Variants in TMEM156 observed in about 807,000 individuals in gnomAD.
TMEM156 encodes transmembrane protein 156.
In TMEM156, 28 loss-of-function variants were observed where a neutral mutation model predicts 30.5. The observed-to-expected ratio is 0.92, with a 90% CI of 0.68 to 1.26. TMEM156 has a LOEUF of 1.26. TMEM156 is among the 50% of genes most tolerant of loss of function. TMEM156 has a pLI of 0.00. For synonymous variants in TMEM156, 137 were observed against 119.9 expected (o/e 1.14, Z -0.93); for missense variants, 351 against 340.6 (o/e 1.03, Z -0.24).
At chr4:38,968,332 A>T (rs949176589) in intron 6 of TMEM156, among the ~76,000 whole-genome samples, 16 of 152,210 alleles carry the variant, frequency 1.1e-4, no homozygotes, top group African/African-American at 3.6e-4. Flanking sequence ...CTTATTGAAC[A>T]TCTAAACGCT....
Position 39,031,905 on chromosome 4 carries a change from A to AAAAAAC in TMEM156, c.88+320_88+321insGTTTTT, listed in dbSNP as rs60499521. 1.2e-4 allele frequency among the ~76,000 whole-genome samples: 15 copies of AAAAAAC among 129,252 alleles called. 1 individual carries two copies. The highest frequency in any genetic ancestry group is 2.4e-4 in the South Asian group (1 of 4,140). The allele number at this position is 129,252 out of a possible 152,430, so 84.8% of individuals were successfully genotyped here. On this transcript the variant is annotated intron_variant, in intron 1 of 6. Coordinates refer to ENST00000381938, the MANE Select transcript of TMEM156 (RefSeq NM_024943.3). ...AAAAAAAAAAATAAAAAATAAAAAA[A>AAAAAAC]TAAAAAAAAACTGCTTTGAAGAAAG...
At chr4:39,018,563 A>G (rs1278618119) in intron 1 of TMEM156, among the ~76,000 whole-genome samples, 1 of 152,172 alleles carries the variant, frequency 6.6e-6, no homozygotes, top group Non-Finnish European at 1.5e-5. Flanking sequence ...GTTTACCTGA[A>G]AATATACATC....
At chr4:38,997,774 T>A (rs1445248454) in intron 2 of TMEM156, among the ~76,000 whole-genome samples, 1 of 152,242 alleles carries the variant, frequency 6.6e-6, no homozygotes, top group Non-Finnish European at 1.5e-5. Context: ...TCTTTATTTA[T>A]TCAGTTGTTC....
At chr4:39,009,284 C>T (rs924112835) in intron 1 of TMEM156, among the ~76,000 whole-genome samples, 2 of 152,138 alleles carry the variant, frequency 1.3e-5, no homozygotes, top group African/African-American at 4.8e-5. Flanking sequence ...CAGCCCTGGA[C>T]CAAATTAATT....
At chr4:39,009,148 G>A (rs1713938866) in intron 1 of TMEM156, among the ~76,000 whole-genome samples, 1 of 151,904 alleles carries the variant, frequency 6.6e-6, no homozygotes, top group Non-Finnish European at 1.5e-5. Context: ...AAATCTAGAG[G>A]AAAATGGATA....
intron 1 of TMEM156, among the ~76,000 whole-genome samples, chr4:39,007,153 A>AT (rs1345684384): frequency 6.6e-6 from 1 of 151,942 alleles, no homozygotes; most frequent in Non-Finnish European, 1.5e-5. Context: ...CCTTTAGTCC[A>AT]TTTTTCCATC....
chr4:39,006,435 C>A (rs1370556166), intron 1 of TMEM156, among the ~76,000 whole-genome samples: 3 of 151,924 alleles, frequency 2.0e-5, no homozygotes, highest in Non-Finnish European at 2.9e-5. Flanking sequence ...TCTCACAGTA[C>A]CTTATCTATT....
chr4:38,969,594 T>G (rs759822369), intron 6 of TMEM156, among the ~76,000 whole-genome samples: 16 of 152,186 alleles, frequency 1.1e-4, no homozygotes, highest in Non-Finnish European at 1.8e-4. Context: ...TTTCTTTCTT[T>G]TTTTGTTTTT....
Position 38,984,379 on chromosome 4 carries a change from GTGTGT to G in TMEM156, c.823+1952_823+1956del, listed in dbSNP as rs1264640408. Among the ~76,000 whole-genome samples the G allele has an allele frequency of 3.4e-3, 488 of 141,622 alleles. 4 individuals are homozygous for G. Among genetic ancestry groups the G allele is most frequent in the African/African-American group, 0.013 (466 of 36,302 alleles). The allele number at this position is 141,622 out of a possible 152,430, so 92.9% of individuals were successfully genotyped here. ...TGTGTGTGTGTGTGTGTGTGTGTGT[GTGTGT>G]TGAACAATACTCACTTTTAAATGCA... On this transcript the variant is annotated intron_variant, in intron 5 of 6. Coordinates refer to ENST00000381938, the MANE Select transcript of TMEM156 (RefSeq NM_024943.3).
intron 1 of TMEM156, among the ~76,000 whole-genome samples, chr4:39,016,133 G>A (rs1324945879): frequency 6.6e-6 from 1 of 152,112 alleles, no homozygotes; most frequent in African/African-American, 2.4e-5. Context: ...CCAGCACTTT[G>A]GGAGGCCAAG....
intron 3 of TMEM156, among the ~76,000 whole-genome samples, chr4:38,989,847 T>C (rs1339206097): frequency 6.6e-6 from 1 of 152,176 alleles, no homozygotes; most frequent in East Asian, 1.9e-4. Flanking sequence ...TTGCCCAGGC[T>C]GGAGTGCAAT....
intron 5 of TMEM156, among the ~76,000 whole-genome samples, chr4:38,979,345 C>T (rs1370711243): frequency 6.6e-6 from 1 of 152,222 alleles, no homozygotes; most frequent in East Asian, 1.9e-4. Context: ...GGGACCGACA[C>T]CTGCACAACC....
At chr4:38,973,360 T>C (rs1455241291) in intron 5 of TMEM156, among the ~76,000 whole-genome samples, 3 of 152,216 alleles carry the variant, frequency 2.0e-5, no homozygotes, top group African/African-American at 7.2e-5. Flanking sequence ...ACATTTTTCC[T>C]TTATTCAAGT....
At chr4:38,997,231 G>C (rs1712995676) in intron 2 of TMEM156, among the ~76,000 whole-genome samples, 1 of 152,174 alleles carries the variant, frequency 6.6e-6, no homozygotes, top group Non-Finnish European at 1.5e-5. Flanking sequence ...CCAGAACCTG[G>C]AGGAGTTACG....
At chr4:38,992,710 TA>T (rs1560366837) in intron 3 of TMEM156, among the ~76,000 whole-genome samples, 4 of 42,696 alleles carry the variant, frequency 9.4e-5, no homozygotes, top group African/African-American at 2.7e-4. Flanking sequence ...AATATATATA[TA>T]TTATATATAT....
At chr4:39,023,948 A>G (rs1715036863) in intron 1 of TMEM156, among the ~76,000 whole-genome samples, 1 of 152,218 alleles carries the variant, frequency 6.6e-6, no homozygotes, top group South Asian at 2.1e-4. Context: ...AGACAAAACC[A>G]ATTTATGGTG....
chr4:38,993,840 C>T lies in TMEM156; in HGVS notation c.517G>A (p.Asp173Asn). The T allele has an allele frequency of 6.2e-7, 1 of 1,614,060 alleles. No individual in the cohort carries two copies. The highest frequency in any genetic ancestry group is 8.5e-7 in the Non-Finnish European group (1 of 1,179,980). Reference protein sequence around the residue: ...NHTGRSTIMEDEPSKEKSINY... With the variant: ...NHTGRSTIMENEPSKEKSINY... ...ATCGATTTCTCCTTGCTTGGCTCAT[C>T]CTCCATGATTGTTGATCTTCCAGTG... The change falls in exon 3 of 7, where the codon GAT becomes AAT. Residue 173 changes from aspartate (D) to asparagine (N), a missense_variant. Asp to Asn is a conservative substitution (Grantham distance 23). Coordinates refer to ENST00000381938, the MANE Select transcript of TMEM156 (RefSeq NM_024943.3).
At chr4:39,000,502 A>G (rs1239708716) in intron 1 of TMEM156, among the ~76,000 whole-genome samples, 1 of 152,248 alleles carries the variant, frequency 6.6e-6, no homozygotes, top group Non-Finnish European at 1.5e-5. Flanking sequence ...AATAGAGATA[A>G]GCCTGCTAAT....
intron 1 of TMEM156, among the ~76,000 whole-genome samples, chr4:39,016,123 C>T (rs537363771): frequency 6.6e-6 from 1 of 152,182 alleles, no homozygotes; most frequent in East Asian, 1.9e-4. Flanking sequence ...CGCCTGTAAT[C>T]CAGCACTTTG....
Sources: allele counts gnomAD v4.1 joint callset (sites outside exome capture counted in the v4.1 genomes callset), GRCh38; gene constraint gnomAD v4.1.1; transcripts MANE v1.5; gene names NCBI Gene and HGNC (gene_info 2026-07-23, HGNC 2026-07-21).